Variants in MTMR2 observed in about 807,000 individuals in gnomAD.
The protein encoded by MTMR2 is myotubularin related protein 2.
In MTMR2, 55 loss-of-function variants were observed where a neutral mutation model predicts 86.9. That is an observed-to-expected ratio of 0.63 (90% CI 0.51 to 0.79). MTMR2 has a LOEUF of 0.79. Among genes scored for constraint, MTMR2 ranks in the 30% least tolerant of loss-of-function variants. The pLI is 0.00. For synonymous variants in MTMR2, 241 were observed against 266.8 expected (o/e 0.90, Z 0.94); for missense variants, 659 against 772.3 (o/e 0.85, Z 1.74).
At chr11:95,918,327 T>A (rs1167926689) in intron 1 of MTMR2, among the ~76,000 whole-genome samples, 1 of 152,204 alleles carries the variant, frequency 6.6e-6, no homozygotes, top group Non-Finnish European at 1.5e-5. Context: ...AGAATTTGCA[T>A]TTTTAACAAA....
At position 95,861,985 on chromosome 11, in the gene MTMR2, C is replaced by A. The variant is rs569150547; in HGVS notation, c.468+7G>T. ...AAAGAAAATCACATACATATTATAA[C>A]ATTTACCTTACACACAGTTTCTAGT... On this transcript the variant is annotated splice_region_variant and intron_variant, in intron 5 of 14. Transcript: ENST00000346299. 2 of 1,568,982 alleles carry A rather than the reference C, an allele frequency of 1.3e-6. No homozygotes were observed. The highest frequency in any genetic ancestry group is 4.5e-5 in the East Asian group (2 of 44,618).
rs139704398 is a variant in MTMR2 at position 95,858,779 on chromosome 11, G to A, written c.469-147C>T. 0.023 allele frequency: 14,141 copies of A among 625,854 alleles called. 252 individuals carry two copies. Among genetic ancestry groups the A allele is most frequent in the South Asian group, 0.061 (3,356 of 54,670 alleles). The allele number at this position is 625,854 out of a possible 1,614,324, so 38.8% of individuals were successfully genotyped here. ...TCAGACATCAGCTCCTGGAGACAGG[G>A]AAATTATAATGGTTTATTGGGAAAA... is the stretch of plus-strand genomic sequence containing the variant. On this transcript the variant is annotated intron_variant, in intron 5 of 14. Transcript: ENST00000346299.
chr11:95,920,506 G>T (rs1029031298), intron 1 of MTMR2, among the ~76,000 whole-genome samples: 2 of 147,532 alleles, frequency 1.4e-5, no homozygotes, highest in African/African-American at 2.5e-5. Context: ...TTTTAAAGAT[G>T]CAGGATGACA....
intron 2 of MTMR2, among the ~76,000 whole-genome samples, chr11:95,874,924 C>T (rs1212437222): frequency 1.3e-5 from 2 of 151,988 alleles, no homozygotes; most frequent in African/African-American, 4.8e-5. Context: ...AATATTGGCC[C>T]CCACTCTCTT....
rs144484441 is a variant in MTMR2 at position 95,922,273 on chromosome 11, T to C, written c.80+1602A>G. Among the ~76,000 whole-genome samples, 50 of 152,330 alleles carry C rather than the reference T, an allele frequency of 3.3e-4. 1 individual carries two copies. The East Asian group carries it at 7.3e-3, about 22-fold the overall frequency. On this transcript the variant is annotated intron_variant, in intron 1 of 14. Coordinates refer to ENST00000346299, the MANE Select transcript of MTMR2 (RefSeq NM_016156.6). ...TTCCAGTACTTCCTTCTTTCTAACA[T>C]ACTGTGCTGCTTCATGTGGTTCTAA...
intron 1 of MTMR2, among the ~76,000 whole-genome samples, chr11:95,901,824 C>T (rs980056825): frequency 1.3e-5 from 2 of 152,032 alleles, no homozygotes; most frequent in Admixed American, 6.6e-5. Context: ...TAAAGCTTAA[C>T]TGGATTTGGA....
Position 95,847,848 on chromosome 11 carries a change from C to A in MTMR2, c.1045G>T (p.Val349Phe). 6.2e-7 allele frequency: 1 copy of A among 1,613,800 alleles called. No individual in the cohort carries two copies. Among genetic ancestry groups the A allele is most frequent in the Non-Finnish European group, 8.5e-7 (1 of 1,179,806 alleles). ...TGAATATTGTGGATATCCAGGAAAACTAGTTCAGCATTTTGATAGGCATCT... is the reference window on the plus strand; with the variant it reads ...TGAATATTGTGGATATCCAGGAAAAATAGTTCAGCATTTTGATAGGCATCT... ...SEDAYQNAEL[V>F]FLDIHNIHVM... The change falls in exon 10 of 15, where the codon GTT becomes TTT. Residue 349 changes from valine (V) to phenylalanine (F), a missense_variant. By Grantham distance (50) the Val-to-Phe change is conservative. Coordinates refer to ENST00000346299, the MANE Select transcript of MTMR2 (RefSeq NM_016156.6).
intron 9 of MTMR2, 63 bp from the exon 10 acceptor site, chr11:95,847,962 A>G (rs1863865977): frequency 7.0e-7 from 1 of 1,438,278 alleles, no homozygotes; most frequent in South Asian, 1.2e-5. Flanking sequence ...CAAGTGACAT[A>G]AAATATCCAA....
At chr11:95,861,254 A>G (rs1864409373) in intron 5 of MTMR2, among the ~76,000 whole-genome samples, 1 of 151,370 alleles carries the variant, frequency 6.6e-6, no homozygotes, top group Non-Finnish European at 1.5e-5. Flanking sequence ...GAAGTAGTGG[A>G]ACTGCTCAGA....
At position 95,834,035 on chromosome 11, in the gene MTMR2, A is replaced by AATT. The variant is rs1251492096; in HGVS notation, c.*1252_*1254dup. 2 of 150,972 alleles carry AATT rather than the reference A, an allele frequency of 1.3e-5. No homozygotes were observed. The allele number at this position is 150,972 out of a possible 1,614,324, so 9.4% of individuals were successfully genotyped here. A position where few individuals can be genotyped will look rare whatever the true frequency, so the allele number is the denominator to read the frequency against. ...CATCTGGGGTGCATATTCCTCCAAT[A>AATT]ATTTCCAAATATTTCTGGGGAAAAA... On this transcript the variant is annotated 3_prime_UTR_variant, in exon 15 of 15. Coordinates refer to ENST00000346299, the MANE Select transcript of MTMR2 (RefSeq NM_016156.6).
intron 7 of MTMR2, 148 bp from the exon 8 acceptor site, chr11:95,850,897 G>A: frequency 1.3e-6 from 1 of 749,510 alleles, no homozygotes; most frequent in Non-Finnish European, 2.2e-6. Flanking sequence ...TGTGGTATCA[G>A]GCTTTCAGGA....
chr11:95,871,529 A>C (rs1208945625), intron 2 of MTMR2, among the ~76,000 whole-genome samples: 3 of 152,170 alleles, frequency 2.0e-5, no homozygotes, highest in Non-Finnish European at 4.4e-5. Flanking sequence ...TGGCTGCATA[A>C]ATGTCTCCTT....
chr11:95,905,012 C>G (rs1309786352), intron 1 of MTMR2, among the ~76,000 whole-genome samples: 4 of 152,102 alleles, frequency 2.6e-5, no homozygotes, highest in Admixed American at 2.6e-4. Context: ...TTAATACTTC[C>G]TCCTCATCTA....
At chr11:95,848,940 A>C (rs1863907377) in intron 9 of MTMR2, among the ~76,000 whole-genome samples, 1 of 152,228 alleles carries the variant, frequency 6.6e-6, no homozygotes, top group South Asian at 2.1e-4. Context: ...AGCAGTGGTA[A>C]CAACTATACA....
Position 95,845,110 on chromosome 11 carries a change from T to C in MTMR2, c.1229A>G (p.Lys410Arg). ...ACTGCAATGCACTACCACAGACGTC[T>C]TCCCTGACTCTACCTTGTCAGCAAT... Reference protein sequence around the residue: ...LRIADKVESGKTSVVVHCSDG... With the variant: ...LRIADKVESGRTSVVVHCSDG... Residue 410 changes from lysine to arginine, a missense_variant, in exon 11 of 15, where the codon AAG (lysine) becomes AGG (arginine). Physicochemically the swap from Lys to Arg is conservative, Grantham distance 26. Transcript: ENST00000346299. The C allele has an allele frequency of 1.2e-6, 2 of 1,613,166 alleles. No individual in the cohort carries two copies. Among genetic ancestry groups the C allele is most frequent in the Non-Finnish European group, 1.7e-6 (2 of 1,179,394 alleles).
chr11:95,850,253 G>A (rs2135441115), intron 8 of MTMR2, among the ~76,000 whole-genome samples: 1 of 146,184 alleles, frequency 6.8e-6, no homozygotes, highest in African/African-American at 2.4e-5. Flanking sequence ...TTATAAATCT[G>A]TAAGGTGTTC....
intron 11 of MTMR2, among the ~76,000 whole-genome samples, chr11:95,842,229 A>G (rs1863578445): frequency 6.6e-6 from 1 of 152,216 alleles, no homozygotes; most frequent in African/African-American, 2.4e-5. Flanking sequence ...TATAATATGA[A>G]TTACTACTCT....
chr11:95,910,098 AACACAC>A (rs137969295), intron 1 of MTMR2, among the ~76,000 whole-genome samples: 4 of 148,662 alleles, frequency 2.7e-5, no homozygotes, highest in Non-Finnish European at 1.5e-5. Flanking sequence ...TTTAAATATA[AACACAC>A]ACACACACAC....
Position 95,858,609 on chromosome 11 carries a change from A to G in MTMR2, c.492T>C (p.Ala164=). ...TTCTTGTCCGCCCCTCAGGTTTATG[A>G]GCAAATCGTAAATTCCTAATATCCT... is the stretch of plus-strand genomic sequence containing the variant. ...VCKDIRNLRF[A]HKPEGRTRRS... Residue 164 remains alanine, a synonymous_variant, in exon 6 of 15, where the codon GCT becomes GCC. Transcript: ENST00000346299. 2 of 1,611,372 alleles carry G rather than the reference A, an allele frequency of 1.2e-6. No homozygotes were observed. Among genetic ancestry groups the G allele is most frequent in the Non-Finnish European group, 1.7e-6 (2 of 1,177,798 alleles).
Sources: allele counts gnomAD v4.1 joint callset (sites outside exome capture counted in the v4.1 genomes callset), GRCh38; gene constraint gnomAD v4.1.1; transcripts MANE v1.5; gene names NCBI Gene and HGNC (gene_info 2026-07-23, HGNC 2026-07-21).